PTPRD: variants seen among roughly 807,000 people sequenced by gnomAD.
PTPRD encodes receptor-type tyrosine-protein phosphatase delta.
In PTPRD, 34 loss-of-function variants were observed where a neutral mutation model predicts 214.5. That is an observed-to-expected ratio of 0.16 (90% CI 0.12 to 0.21). The LOEUF (loss-of-function observed/expected upper bound fraction) is 0.21, where lower values mean the gene tolerates loss of function less well. Among genes scored for constraint, PTPRD ranks in the 10% least tolerant of loss-of-function variants. PTPRD has a pLI of 1.00. For synonymous variants in PTPRD, 1,128 were observed against 845.7 expected (o/e 1.33, Z -5.79); for missense variants, 2,545 against 2,398.7 (o/e 1.06, Z -1.27).
intron 8 of PTPRD, among the ~76,000 whole-genome samples, chr9:9,503,805 G>T (rs1569568869): frequency 6.6e-6 from 1 of 151,610 alleles, no homozygotes; most frequent in Non-Finnish European, 1.5e-5. Flanking sequence ...GCATTCTTGG[G>T]CATGTATGCC....
chr9:9,738,234 C>A (rs925412384), intron 6 of PTPRD, among the ~76,000 whole-genome samples: 1 of 151,912 alleles, frequency 6.6e-6, no homozygotes, highest in Admixed American at 6.6e-5. Context: ...CACATGTACC[C>A]TAAAACTTAA....
At chr9:9,792,394 G>A (rs1350031738) in intron 5 of PTPRD, among the ~76,000 whole-genome samples, 1 of 152,136 alleles carries the variant, frequency 6.6e-6, no homozygotes, top group East Asian at 1.9e-4. Context: ...CTATCTTTAA[G>A]AGCTTTTTCA....
At chr9:9,136,804 AG>A (rs2099851626) in intron 10 of PTPRD, among the ~76,000 whole-genome samples, 1 of 152,206 alleles carries the variant, frequency 6.6e-6, no homozygotes. Context: ...AAATGTAAAA[AG>A]AAAATGGAAC....
intron 44 of PTPRD, among the ~76,000 whole-genome samples, chr9:8,326,416 A>G (rs2131224196): frequency 6.6e-6 from 1 of 152,182 alleles, no homozygotes; most frequent in Non-Finnish European, 1.5e-5. Context: ...CCCAGGGATG[A>G]AGCCGACTTG....
chr9:8,437,237 A>G (rs1303340844), intron 34 of PTPRD: 1 of 1,524,882 alleles, frequency 6.6e-7, no homozygotes, highest in East Asian at 2.5e-5. Context: ...GAATCATCTG[A>G]ACCTGCAAAG....
chr9:9,804,596 T>C (rs1193451920), intron 5 of PTPRD, among the ~76,000 whole-genome samples: 3 of 152,066 alleles, frequency 2.0e-5, no homozygotes, highest in Admixed American at 1.3e-4. Flanking sequence ...CTAGTAGGTG[T>C]TGAATAAATT....
chr9:9,111,393 C>T (rs543912435), intron 10 of PTPRD, among the ~76,000 whole-genome samples: 2 of 151,698 alleles, frequency 1.3e-5, no homozygotes, highest in South Asian at 2.1e-4. Context: ...ATCTTCTGAT[C>T]GCCGCCTTCC....
intron 39 of PTPRD, among the ~76,000 whole-genome samples, chr9:8,346,807 G>C (rs1248508393): frequency 2.0e-5 from 3 of 152,140 alleles, no homozygotes; most frequent in Non-Finnish European, 2.9e-5. Context: ...GAAAGAAAGA[G>C]AAATCGTATG....
At chr9:9,075,701 G>T (rs1193121370) in intron 10 of PTPRD, among the ~76,000 whole-genome samples, 1 of 152,034 alleles carries the variant, frequency 6.6e-6, no homozygotes, top group Non-Finnish European at 1.5e-5. Context: ...TAGAATGATG[G>T]TTTGCAGCTT....
At chr9:10,163,026 T>C (rs1235742832) in intron 3 of PTPRD, among the ~76,000 whole-genome samples, 12 of 150,716 alleles carry the variant, frequency 8.0e-5, no homozygotes, top group Admixed American at 8.0e-4. Flanking sequence ...TATCTCTCTA[T>C]ATAGAGAGAA....
intron 9 of PTPRD, among the ~76,000 whole-genome samples, chr9:9,314,451 T>G (rs1961330840): frequency 1.3e-5 from 2 of 152,142 alleles, no homozygotes; most frequent in South Asian, 4.1e-4. Flanking sequence ...CATCAAAGAA[T>G]GCAGGTGATT....
intron 8 of PTPRD, among the ~76,000 whole-genome samples, chr9:9,529,844 CTA>C (rs202121271): frequency 2.6e-4 from 39 of 150,530 alleles, no homozygotes; most frequent in East Asian, 3.9e-4. Context: ...TTTACACACA[CTA>C]TATATATATA....
chr9:9,175,742 C>T (rs1373470085), intron 10 of PTPRD, among the ~76,000 whole-genome samples: 1 of 151,562 alleles, frequency 6.6e-6, no homozygotes, highest in Non-Finnish European at 1.5e-5. Context: ...TGTATTACTC[C>T]ATATTTCTAC....
chr9:8,800,690 T>C (rs148860254), intron 11 of PTPRD, among the ~76,000 whole-genome samples: 1,934 of 152,320 alleles, frequency 0.013, 46 homozygotes, highest in African/African-American at 0.045. Context: ...GCCTCGGGGC[T>C]GCTCTGTCTA....
chr9:9,023,383 T>C (rs890150505), intron 10 of PTPRD, among the ~76,000 whole-genome samples: 4 of 152,118 alleles, frequency 2.6e-5, no homozygotes, highest in African/African-American at 7.2e-5. Flanking sequence ...CTTTTTACTT[T>C]GCACACTTTG....
chr9:8,514,306 G>A (rs2097742783), intron 21 of PTPRD, among the ~76,000 whole-genome samples: 1 of 152,038 alleles, frequency 6.6e-6, no homozygotes, highest in African/African-American at 2.4e-5. Context: ...TCACATTTTG[G>A]TTGGATTAGG....
chr9:8,955,651 T>A (rs902537332), intron 11 of PTPRD, among the ~76,000 whole-genome samples: 5 of 151,754 alleles, frequency 3.3e-5, no homozygotes, highest in African/African-American at 1.2e-4. Context: ...TTATCTTCCA[T>A]AGAAGCTTAT....
At chr9:9,229,940 C>A (rs2099962025) in intron 9 of PTPRD, among the ~76,000 whole-genome samples, 1 of 152,072 alleles carries the variant, frequency 6.6e-6, no homozygotes, top group South Asian at 2.1e-4. Flanking sequence ...CTAGATAATA[C>A]TAGATTCATT....
At position 10,119,478 on chromosome 9, in the gene PTPRD, T is replaced by C. The variant is rs370196478; in HGVS notation, c.-544-85688A>G. Among the ~76,000 whole-genome samples, 78 of 152,080 alleles carry C rather than the reference T, an allele frequency of 5.1e-4. 2 individuals are homozygous for C. In the South Asian group the frequency reaches 0.016, roughly 31 times the overall value. On this transcript the variant is annotated intron_variant, in intron 3 of 45. Coordinates refer to ENST00000381196, the MANE Select transcript of PTPRD (RefSeq NM_002839.4). ...TGAAAAATGTTTAAAACGGTTCTAG[T>C]AGTAAGAGTAGTTAAAATGTAATAT...
Sources: gnomAD v4.1 joint callset for allele counts (sites outside exome capture counted in the v4.1 genomes callset) on GRCh38, gnomAD v4.1.1 for gene constraint, MANE v1.5 for transcripts, NCBI Gene and HGNC (gene_info 2026-07-23, HGNC 2026-07-21) for gene names.